The following SLC71A1 variants were observed in gnomAD, a reference collection of about 807,000 sequenced individuals.
SLC71A1 encodes the protein solute carrier family 71 member 1.
At chr1:100,069,713 T>C in the SLC71A1 span, 1 of 1,461,486 alleles carries the variant, frequency 6.8e-7, no homozygotes, top group Non-Finnish European at 9.6e-7. Flanking sequence ...GTTAGAGTGA[T>C]GTCAGTGACC....
the SLC71A1 span, among the ~76,000 whole-genome samples, chr1:100,051,697 G>A: frequency 5.9e-5 from 9 of 152,168 alleles, no homozygotes; most frequent in Non-Finnish European, 4.4e-5. Context: ...ATGCGCCAGC[G>A]TGCTTTTTAT....
At chr1:100,052,295 G>T in the SLC71A1 span, among the ~76,000 whole-genome samples, 1 of 151,152 alleles carries the variant, frequency 6.6e-6, no homozygotes, top group Non-Finnish European at 1.5e-5. Flanking sequence ...TATCTTTCGT[G>T]TTATTTTGGT....
the SLC71A1 span, among the ~76,000 whole-genome samples, chr1:100,040,112 C>A: frequency 1.9e-3 from 288 of 152,292 alleles, 1 homozygote; most frequent in Middle Eastern, 6.8e-3. Flanking sequence ...CTTAATATTT[C>A]ATTCTCTATT....
chr1:100,043,718 T>A, the SLC71A1 span, among the ~76,000 whole-genome samples: 1 of 152,230 alleles, frequency 6.6e-6, no homozygotes, highest in Non-Finnish European at 1.5e-5. Flanking sequence ...CCTCTCAAGC[T>A]TCCCCCCCAT....
At chr1:100,072,806 C>A in the SLC71A1 span, among the ~76,000 whole-genome samples, 1 of 152,038 alleles carries the variant, frequency 6.6e-6, no homozygotes, top group Non-Finnish European at 1.5e-5. Flanking sequence ...TATAAGAGTT[C>A]CTAACACTTG....
the SLC71A1 span, chr1:100,080,438 A>G: frequency 1.9e-5 from 27 of 1,408,778 alleles, no homozygotes; most frequent in Non-Finnish European, 2.7e-5. Context: ...TACTGGTTCT[A>G]AGGTAGGGAA....
the SLC71A1 span, among the ~76,000 whole-genome samples, chr1:100,063,428 C>T: frequency 2.0e-5 from 3 of 151,996 alleles, no homozygotes; most frequent in African/African-American, 7.3e-5. Context: ...TGCTTGAGGC[C>T]AGGAGTTTGA....
the SLC71A1 span, chr1:100,068,363 A>G: frequency 2.2e-6 from 2 of 927,124 alleles, no homozygotes; most frequent in East Asian, 2.5e-5. Context: ...TAAAAAGGAC[A>G]ACTAGTTGTC....
chr1:100,077,587 T>C, the SLC71A1 span, among the ~76,000 whole-genome samples: 2 of 152,216 alleles, frequency 1.3e-5, no homozygotes, highest in Admixed American at 1.3e-4. Flanking sequence ...TGTAATCCCA[T>C]AGCAACAAGG....
the SLC71A1 span, among the ~76,000 whole-genome samples, chr1:100,053,086 G>C: frequency 6.6e-6 from 1 of 152,138 alleles, no homozygotes; most frequent in South Asian, 2.1e-4. Context: ...GCCCAGCCTG[G>C]CATATCTACT....
the SLC71A1 span, among the ~76,000 whole-genome samples, chr1:100,071,260 C>T: frequency 8.7e-6 from 1 of 114,758 alleles, no homozygotes; most frequent in Non-Finnish European, 1.7e-5. Flanking sequence ...AAGACCAGCT[C>T]AAGCAACTTG....
the SLC71A1 span, chr1:100,077,113 G>GA: frequency 1.2e-6 from 1 of 858,716 alleles, no homozygotes. Context: ...TAGATTGAAA[G>GA]AAGTCACTTT....
chr1:100,078,308 T>C, the SLC71A1 span: 1 of 577,200 alleles, frequency 1.7e-6, no homozygotes, highest in Non-Finnish European at 3.1e-6. Flanking sequence ...GTTAAGCGAC[T>C]TGCCCATAGT....
chr1:100,044,284 A>G, the SLC71A1 span, among the ~76,000 whole-genome samples: 2 of 152,118 alleles, frequency 1.3e-5, no homozygotes, highest in African/African-American at 4.8e-5. Flanking sequence ...TTTAATTTGC[A>G]TTTCCCTGAT....
chr1:100,077,251 A>AT, the SLC71A1 span: 1 of 1,576,484 alleles, frequency 6.3e-7, no homozygotes, highest in South Asian at 1.1e-5. Flanking sequence ...TACAGTTGGC[A>AT]TGGTATGGCT....
At chr1:100,038,296 A>G in the SLC71A1 span, 1 of 1,557,634 alleles carries the variant, frequency 6.4e-7, no homozygotes, top group Non-Finnish European at 8.7e-7. Context: ...CAAGAAGATC[A>G]TCATTAAGGA....
the SLC71A1 span, among the ~76,000 whole-genome samples, chr1:100,049,744 C>T: frequency 6.6e-6 from 1 of 152,146 alleles, no homozygotes; most frequent in Non-Finnish European, 1.5e-5. Context: ...CTTGTCTGTC[C>T]CTCTGACTTT....
chr1:100,040,951 A>G, the SLC71A1 span, among the ~76,000 whole-genome samples: 3 of 152,212 alleles, frequency 2.0e-5, no homozygotes, highest in Non-Finnish European at 4.4e-5. Flanking sequence ...GGTACATGAC[A>G]GTCGTGAACA....
chr1:100,059,241 C>G, the SLC71A1 span, among the ~76,000 whole-genome samples: 1 of 145,644 alleles, frequency 6.9e-6, no homozygotes. Context: ...TGCTGAGAAC[C>G]TCTGCCTCCC....
Sources: gnomAD v4.1 joint callset for allele counts (sites outside exome capture counted in the v4.1 genomes callset) on GRCh38, gnomAD v4.1.1 for gene constraint, MANE v1.5 for transcripts, NCBI Gene and HGNC (gene_info 2026-07-23, HGNC 2026-07-21) for gene names.